TMEM132B: variants seen among roughly 807,000 people sequenced by gnomAD.
The protein encoded by TMEM132B is transmembrane protein 132B.
A neutral mutation model predicts 90.8 loss-of-function variants in TMEM132B; 18 were observed. That is an observed-to-expected ratio of 0.20 (90% CI 0.14 to 0.29). The LOEUF is 0.29. TMEM132B is among the 10% of genes least tolerant of loss of function. TMEM132B has a pLI of 1.00. For synonymous variants in TMEM132B, 504 were observed against 523.3 expected, an observed-to-expected ratio of 0.96 and a Z score of 0.50; for missense variants, 1,096 against 1,326.8, an observed-to-expected ratio of 0.83 and a Z score of 2.70.
At chr12:125,649,366 G>T (rs1886849374) in intron 6 of TMEM132B, among the ~76,000 whole-genome samples, 1 of 152,228 alleles carries the variant, frequency 6.6e-6, no homozygotes, top group South Asian at 2.1e-4. Flanking sequence ...TTGTGAAGAT[G>T]AATGGACTTA....
At chr12:125,196,430 G>A (rs1269594078) in intron 1 of TMEM132B, among the ~76,000 whole-genome samples, 1 of 152,180 alleles carries the variant, frequency 6.6e-6, no homozygotes, top group African/African-American at 2.4e-5. Flanking sequence ...ATTAATGGCT[G>A]GGCACGGCGG....
chr12:125,380,331 C>A (rs574524775), intron 2 of TMEM132B, among the ~76,000 whole-genome samples: 25 of 152,290 alleles, frequency 1.6e-4, no homozygotes, highest in African/African-American at 5.8e-4. Flanking sequence ...AGTACACTGG[C>A]CATTCGATTT....
At chr12:125,393,427 A>C (rs183834121) in intron 2 of TMEM132B, among the ~76,000 whole-genome samples, 37 of 152,230 alleles carry the variant, frequency 2.4e-4, no homozygotes, top group Non-Finnish European at 4.9e-4. Context: ...TAGAGACGCA[A>C]TACAAGAAAA....
In TMEM132B at chr12:125,204,331, C is replaced by A. The variant is rs1169260297; in HGVS notation, c.67+17465C>A. On this transcript the variant is annotated intron_variant, in intron 1 of 8. Coordinates refer to ENST00000682704, the MANE Select transcript of TMEM132B (RefSeq NM_001366854.1). ...CCGTGTGCCAGGCAGGGTGCTTAGC[C>A]CTTTGTGTGGAATATCTCGTGAATC... is the stretch of plus-strand genomic sequence containing the variant. Among the ~76,000 whole-genome samples, 3 of 116,172 alleles carry A rather than the reference C, an allele frequency of 2.6e-5. 1 individual carries two copies. Among genetic ancestry groups the A allele is most frequent in the Non-Finnish European group, 5.9e-5 (3 of 50,998 alleles). The allele number at this position is 116,172 out of a possible 152,430, so 76.2% of individuals were successfully genotyped here.
intron 3 of TMEM132B, among the ~76,000 whole-genome samples, chr12:125,417,524 C>T (rs2704851): frequency 0.036 from 5,495 of 152,154 alleles, 350 homozygotes; most frequent in African/African-American, 0.13. Context: ...TTCTCTACTT[C>T]GCCTGGGGGC....
intron 2 of TMEM132B, among the ~76,000 whole-genome samples, chr12:125,375,431 G>A (rs968720519): frequency 1.3e-5 from 2 of 152,194 alleles, no homozygotes; most frequent in Admixed American, 1.3e-4. Context: ...ACATTTTGTC[G>A]CTAAAGGACA....
intron 3 of TMEM132B, among the ~76,000 whole-genome samples, chr12:125,476,263 G>A (rs1297386902): frequency 6.6e-6 from 1 of 152,176 alleles, no homozygotes; most frequent in Admixed American, 6.5e-5. Context: ...CACCTCTATT[G>A]AGTTCCAGGA....
In TMEM132B at chr12:125,654,116, C is replaced by G; in HGVS notation, c.2658C>G (p.Pro886=). ...SFPTQGKSPD[P]NNPSDLTVTS... Reference sequence around the variant, plus strand: ...CCACTCAAGGGAAGTCACCGGACCCCAATAATCCTAGTGACCTCACAGTGA... The same window carrying G: ...CCACTCAAGGGAAGTCACCGGACCCGAATAATCCTAGTGACCTCACAGTGA... The change falls in exon 9 of 9, where the codon CCC becomes CCG. Residue 886 remains proline, a synonymous_variant. Coordinates refer to ENST00000682704, the MANE Select transcript of TMEM132B (RefSeq NM_001366854.1). This position sits in a 1 kb window ranked among gnomAD's most constrained non-coding sequence, Gnocchi z 5.8. 6.2e-7 allele frequency: 1 copy of G among 1,614,172 alleles called. No homozygotes were observed. The highest frequency in any genetic ancestry group is 8.5e-7 in the Non-Finnish European group (1 of 1,180,030).
chr12:125,589,425 TGAGCCAA>T (rs1347397051), intron 5 of TMEM132B, among the ~76,000 whole-genome samples: 1 of 127,802 alleles, frequency 7.8e-6, no homozygotes. Context: ...GAGCTTGCAG[TGAGCCAA>T]GATTGCGCCA....
intron 1 of TMEM132B, among the ~76,000 whole-genome samples, chr12:125,194,869 A>G (rs1294353731): frequency 3.3e-5 from 5 of 152,216 alleles, no homozygotes; most frequent in African/African-American, 9.6e-5. Context: ...GCAGCGAATC[A>G]TAACTTTTCC....
At chr12:125,212,770 C>T (rs1045299967) in intron 1 of TMEM132B, among the ~76,000 whole-genome samples, 1 of 152,168 alleles carries the variant, frequency 6.6e-6, no homozygotes, top group Non-Finnish European at 1.5e-5. Context: ...AGGTGTGAGC[C>T]ACCATGCCCA....
chr12:125,464,583 C>A (rs573693512), intron 3 of TMEM132B, among the ~76,000 whole-genome samples: 1 of 152,290 alleles, frequency 6.6e-6, no homozygotes, highest in Admixed American at 6.5e-5. Context: ...CAGGGCCTGG[C>A]CCTGAGCAGG....
At chr12:125,262,882 A>T (rs1243047832) in intron 1 of TMEM132B, among the ~76,000 whole-genome samples, 1 of 152,192 alleles carries the variant, frequency 6.6e-6, no homozygotes, top group Non-Finnish European at 1.5e-5. Flanking sequence ...AGAGGCCAGG[A>T]AGGGCCTCTT....
intron 1 of TMEM132B, among the ~76,000 whole-genome samples, chr12:125,273,167 T>C (rs1874893457): frequency 6.6e-6 from 1 of 152,166 alleles, no homozygotes; most frequent in Non-Finnish European, 1.5e-5. Context: ...TATATCTCTA[T>C]TTATCTCTCT....
At position 125,623,310 on chromosome 12, in the gene TMEM132B, T is replaced by C. The variant is rs192332642; in HGVS notation, c.1438-20766T>C. On this transcript the variant is annotated intron_variant, in intron 5 of 8. Coordinates refer to ENST00000682704, the MANE Select transcript of TMEM132B (RefSeq NM_001366854.1). ...GCTAAACTTTGTAATCAAATCATAA[T>C]CTTGGGCCTGCATTGCTTGTATAGT... Among the ~76,000 whole-genome samples the C allele has an allele frequency of 7.3e-3, 1,114 of 152,274 alleles. 41 individuals are homozygous for C. Among genetic ancestry groups the C allele is most frequent in the Non-Finnish European group, 2.2e-3 (148 of 68,018 alleles).
At chr12:125,494,099 T>A (rs1358695342) in intron 3 of TMEM132B, among the ~76,000 whole-genome samples, 2 of 99,462 alleles carry the variant, frequency 2.0e-5, no homozygotes, top group African/African-American at 4.0e-5. Flanking sequence ...TCCCTGAAAA[T>A]GGCCGCATCC....
intron 4 of TMEM132B, among the ~76,000 whole-genome samples, chr12:125,545,939 T>C (rs1053385687): frequency 1.3e-5 from 2 of 152,162 alleles, no homozygotes; most frequent in Non-Finnish European, 2.9e-5. Flanking sequence ...CTTCAGGAGA[T>C]TGGGAAAAGG....
intron 5 of TMEM132B, among the ~76,000 whole-genome samples, chr12:125,593,556 C>T (rs903740301): frequency 3.3e-5 from 5 of 152,082 alleles, no homozygotes; most frequent in African/African-American, 7.2e-5. Flanking sequence ...AGAGAATTGG[C>T]GTGTGAAAGT....
At chr12:125,486,380 C>T (rs1430444992) in intron 3 of TMEM132B, among the ~76,000 whole-genome samples, 2 of 152,118 alleles carry the variant, frequency 1.3e-5, no homozygotes, top group Non-Finnish European at 2.9e-5. Context: ...GTTAAACTGC[C>T]TGGGATTAAA....
Sources: gnomAD v4.1 joint callset for allele counts (sites outside exome capture counted in the v4.1 genomes callset) on GRCh38, gnomAD v4.1.1 for gene constraint, Gnocchi (gnomAD v3.1) non-coding constraint, MANE v1.5 for transcripts, NCBI Gene and HGNC (gene_info 2026-07-23, HGNC 2026-07-21) for gene names.